COL27A1: variants seen among roughly 807,000 people sequenced by gnomAD.
COL27A1 encodes the protein collagen alpha-1(XXVII) chain.
Under a neutral mutation model 251.3 loss-of-function variants are expected in COL27A1, and 106 were observed. The observed-to-expected ratio is 0.42, with a 90% CI of 0.36 to 0.50. The LOEUF is 0.50. COL27A1 is among the 20% of genes least tolerant of loss of function. COL27A1 has a pLI of 0.00. For synonymous variants in COL27A1, 1,000 were observed against 986.3 expected, an observed-to-expected ratio of 1.01 and a Z score of -0.26; for missense variants, 2,325 against 2,522.8, an observed-to-expected ratio of 0.92 and a Z score of 1.68.
chr9:114,191,041 G>A (rs902120418), intron 5 of COL27A1, among the ~76,000 whole-genome samples: 5 of 152,120 alleles, frequency 3.3e-5, no homozygotes, highest in African/African-American at 9.7e-5. Flanking sequence ...CCCTTAAGCC[G>A]CCACTTCATC....
At chr9:114,252,723 G>T in intron 26 of COL27A1, 77 bp downstream of exon 26, 1 of 1,450,304 alleles carries the variant, frequency 6.9e-7, no homozygotes, top group South Asian at 1.1e-5. Context: ...TCCATGAACC[G>T]CTTACCCCAG....
chr9:114,167,828 T>C lies in COL27A1; in HGVS notation c.273T>C (p.Pro91=). 6.2e-7 allele frequency: 1 copy of C among 1,613,498 alleles called. No homozygotes were observed. Among genetic ancestry groups the C allele is most frequent in the South Asian group, 1.1e-5 (1 of 91,082 alleles). ...AGGCTCCCACGGGCACCGTCATTCC[T>C]GCCGCCTTGGGCACAGAGCTGGCAC... ...RLQAPTGTVI[P]AALGTELALV... is the part of the protein sequence containing the mutation. The change falls in exon 3 of 61, where the codon CCT becomes CCC. Residue 91 remains proline, a synonymous_variant. Transcript: ENST00000356083.
At chr9:114,256,349 C>T (rs754774961) in intron 27 of COL27A1, among the ~76,000 whole-genome samples, 6 of 152,126 alleles carry the variant, frequency 3.9e-5, no homozygotes, top group Admixed American at 6.5e-5. Context: ...AAAAATTAGC[C>T]GGGCATGGCG....
intron 12 of COL27A1, among the ~76,000 whole-genome samples, chr9:114,215,742 G>A (rs545861682): frequency 6.6e-6 from 1 of 152,306 alleles, no homozygotes; most frequent in African/African-American, 2.4e-5. Context: ...CCTTTTGCGG[G>A]CTTCTCCTAG....
intron 12 of COL27A1, among the ~76,000 whole-genome samples, chr9:114,215,482 G>A (rs1588678840): frequency 6.6e-6 from 1 of 152,100 alleles, no homozygotes; most frequent in African/African-American, 2.4e-5. Context: ...TTTTCTCCTT[G>A]TCCCCTGAGG....
intron 40 of COL27A1, 127 bp downstream of exon 40, chr9:114,283,889 G>T: frequency 1.0e-6 from 1 of 960,806 alleles, no homozygotes; most frequent in South Asian, 1.6e-5. Context: ...GAAGATGTGG[G>T]GTCTCACCTG....
Position 114,311,875 on chromosome 9 carries a change from A to T in COL27A1, c.*1180A>T, listed in dbSNP as rs1352287570. On this transcript the variant is annotated 3_prime_UTR_variant, in exon 61 of 61. Transcript: ENST00000356083. Reference sequence around the variant, plus strand: ...TCAGGAAGCCGCATCGCCTCTTCCGAGGTCCTCACTTCCAGGAGCCTGTCC... The same window carrying T: ...TCAGGAAGCCGCATCGCCTCTTCCGTGGTCCTCACTTCCAGGAGCCTGTCC... The T allele has an allele frequency of 6.6e-6, 1 of 152,242 alleles. No individual in the cohort carries two copies. The highest frequency in any genetic ancestry group is 1.9e-4 in the East Asian group (1 of 5,202). 9.4% of individuals were successfully genotyped at this position (152,242 alleles called of 1,614,324 possible).
At chr9:114,278,983 G>A (rs755262808) in intron 37 of COL27A1, among the ~76,000 whole-genome samples, 3 of 152,114 alleles carry the variant, frequency 2.0e-5, no homozygotes, top group Non-Finnish European at 2.9e-5. Flanking sequence ...GTATGCTCTC[G>A]GCTGGAGAGG....
chr9:114,290,849 C>T lies in COL27A1; in HGVS notation c.4408C>T (p.Pro1470Ser), dbSNP rs1159971312. 2.4e-5 allele frequency: 38 copies of T among 1,551,606 alleles called. No individual in the cohort carries two copies. The highest frequency in any genetic ancestry group is 3.1e-5 in the Non-Finnish European group (36 of 1,146,914). ...CGATGGGGACCCTGGCCCCATGGGC[C>T]CTGCTGGGAAGAGAGGAAATCCAGG... is the stretch of plus-strand genomic sequence containing the variant. The part of the protein sequence containing the change: ...GDDGDPGPMG[P>S]AGKRGNPGVA... The change falls in exon 48 of 61, where the codon CCT (proline) becomes TCT (serine). Residue 1470 changes from proline to serine, a missense_variant. Physicochemically the swap from Pro to Ser is moderately conservative, Grantham distance 74. Coordinates refer to ENST00000356083, the MANE Select transcript of COL27A1 (RefSeq NM_032888.4). This position sits in a 1 kb window ranked among gnomAD's most constrained non-coding sequence, Gnocchi z 4.6.
At chr9:114,164,020 C>T (rs1441114651) in intron 2 of COL27A1, among the ~76,000 whole-genome samples, 1 of 152,152 alleles carries the variant, frequency 6.6e-6, no homozygotes, top group African/African-American at 2.4e-5. Context: ...TGTGTCTCCA[C>T]CCTGCTTTCC....
rs1037091162 is a variant in COL27A1, at chr9:114,210,964, CCT to C, written c.2323-17_2323-16del. On this transcript the variant is annotated splice_polypyrimidine_tract_variant and intron_variant, in intron 11 of 60. Transcript: ENST00000356083. The stretch of plus-strand genomic sequence containing the variant: ...GCTGGCATCCTGCCCTGACCTCTCC[CCT>C]GTCTCTCCCCTGCAGGGCCTGCCTG... 2 of 1,613,990 alleles carry C rather than the reference CCT, an allele frequency of 1.2e-6. No homozygotes were observed. The highest frequency in any genetic ancestry group is 1.7e-6 in the Non-Finnish European group (2 of 1,179,940).
At chr9:114,207,282 G>A (rs1377368311) in intron 10 of COL27A1, among the ~76,000 whole-genome samples, 1 of 152,222 alleles carries the variant, frequency 6.6e-6, no homozygotes, top group Non-Finnish European at 1.5e-5. Flanking sequence ...GTGGCTGTTA[G>A]GAGAGTGTGG....
chr9:114,225,553 G>C (rs1380510546), intron 14 of COL27A1, among the ~76,000 whole-genome samples: 2 of 152,208 alleles, frequency 1.3e-5, no homozygotes, highest in Non-Finnish European at 2.9e-5. Context: ...GGGAACAGCA[G>C]CTTCTGTGCC....
intron 41 of COL27A1, among the ~76,000 whole-genome samples, chr9:114,285,926 G>A (rs938064290): frequency 5.3e-5 from 8 of 152,224 alleles, no homozygotes; most frequent in Non-Finnish European, 1.2e-4. Flanking sequence ...GGGGCCTTGT[G>A]GGGGTCCCCA....
chr9:114,266,741 T>A, intron 33 of COL27A1, 123 bp downstream of exon 33: 1 of 860,808 alleles, frequency 1.2e-6, no homozygotes, highest in Non-Finnish European at 1.9e-6. Flanking sequence ...GATGGTCATG[T>A]ACCGTGTAGT....
chr9:114,235,079 C>CAAA (rs34337576), intron 16 of COL27A1, among the ~76,000 whole-genome samples: 2,718 of 87,796 alleles, frequency 0.031, 136 homozygotes, highest in African/African-American at 0.051. Flanking sequence ...GACTCCATCT[C>CAAA]AAAAAAAAAA....
rs1386802007 is a variant in COL27A1 at position 114,242,167 on chromosome 9, C to T, written c.2836-20C>T. 3.8e-6 allele frequency: 6 copies of T among 1,587,960 alleles called. No homozygotes were observed. Among genetic ancestry groups the T allele is most frequent in the Admixed American group, 1.9e-5 (1 of 53,292 alleles). On this transcript the variant is annotated intron_variant, in intron 21 of 60. Coordinates refer to ENST00000356083, the MANE Select transcript of COL27A1 (RefSeq NM_032888.4). ...GATTAACTTTCTCCTTTTTTCCTCT[C>T]TCGTGTCTCCCAATTCTAGGGAGAT...
rs199729771 is a variant in COL27A1, at chr9:114,168,205, G to C, written c.650G>C (p.Ser217Thr). The change falls in exon 3 of 61, where the codon AGT becomes ACT. Residue 217 changes from serine (S) to threonine (T), a missense_variant. Around this residue, in one of 4 missense-constraint regions of COL27A1, gnomAD observed 1,183 missense variants for 1,144.1 expected, o/e 1.03. Transcript: ENST00000356083. Reference sequence around the variant, plus strand: ...TTTGAAGGTGCTCTCTGCCAGTTCAGTATCTACCCTGTGACGCAGGTCGCT... The same window carrying C: ...TTTGAAGGTGCTCTCTGCCAGTTCACTATCTACCCTGTGACGCAGGTCGCT... ...VQFEGALCQF[S>T]IYPVTQVAHN... is the part of the protein sequence containing the mutation. 1 of 1,613,958 alleles carries C rather than the reference G, an allele frequency of 6.2e-7. No individual in the cohort carries two copies. The highest frequency in any genetic ancestry group is 2.2e-5 in the East Asian group (1 of 44,874).
At chr9:114,269,817 G>A (rs371824697) in intron 35 of COL27A1, among the ~76,000 whole-genome samples, 24 of 152,050 alleles carry the variant, frequency 1.6e-4, no homozygotes, top group Non-Finnish European at 2.9e-5. Flanking sequence ...CCTGCCATGG[G>A]TACAAGAGGA....
Sources: gnomAD v4.1 joint callset for allele counts (sites outside exome capture counted in the v4.1 genomes callset) on GRCh38, gnomAD v4.1.1 for gene constraint, gnomAD v4.1.1 regional missense constraint, Gnocchi (gnomAD v3.1) non-coding constraint, MANE v1.5 for transcripts, NCBI Gene and HGNC (gene_info 2026-07-23, HGNC 2026-07-21) for gene names.